SRGAP2B: variants seen among roughly 807,000 people sequenced by gnomAD.
SRGAP2B encodes the protein SLIT-ROBO Rho GTPase activating protein 2B, also known as SLIT-ROBO Rho GTPase-activating protein 2B.
SRGAP2B carries 9 observed loss-of-function variants against 22.2 expected under a neutral mutation model. The ratio of observed to expected loss-of-function variants is 0.41; its 90% CI spans 0.24 to 0.71. The LOEUF (loss-of-function observed/expected upper bound fraction) is 0.71, where lower values mean the gene tolerates loss of function less well. Ranked by LOEUF, SRGAP2B falls within the 30% of genes least tolerant of loss-of-function variation. The probability of loss-of-function intolerance (pLI) is 0.35; values close to 1 mark genes in which losing one functional copy is unlikely to be tolerated. For missense variants in SRGAP2B, 114 were observed against 235.8 expected (o/e 0.48, Z 3.38); for synonymous variants, 36 against 87.4 (o/e 0.41, Z 3.28).
At chr1:144,944,586 CAA>C (rs3061760) in intron 4 of SRGAP2B, among the ~76,000 whole-genome samples, 14 of 17,918 alleles carry the variant, frequency 7.8e-4, no homozygotes, top group African/African-American at 1.1e-3. Context: ...GTCTCCATCT[CAA>C]AAAAAAAAAA....
exon 10 of SRGAP2B, chr1:144,887,673 GAGAA>G (rs1383604576): frequency 3.7e-5 from 1 of 26,866 alleles, no homozygotes; most frequent in Non-Finnish European, 6.2e-5. Flanking sequence ...TAATGAAGGA[GAGAA>G]AGAAGAAGAG....
chr1:144,958,014 T>C (rs1667393996), intron 3 of SRGAP2B, among the ~76,000 whole-genome samples: 2 of 149,734 alleles, frequency 1.3e-5, no homozygotes, highest in Non-Finnish European at 2.9e-5. Flanking sequence ...ATTCCACAAA[T>C]GTACACACAT....
At chr1:145,058,019 C>T (rs1179598807) in intron 2 of SRGAP2B, among the ~76,000 whole-genome samples, 1 of 143,922 alleles carries the variant, frequency 6.9e-6, no homozygotes, top group Non-Finnish European at 1.5e-5. Context: ...TTTCAATTTA[C>T]TCCCAAGGAA....
intron 7 of SRGAP2B, among the ~76,000 whole-genome samples, chr1:144,904,059 C>A (rs1468551698): frequency 7.0e-6 from 1 of 143,836 alleles, no homozygotes; most frequent in Non-Finnish European, 1.5e-5. Context: ...TTGCCCCTTG[C>A]AAAACACATG....
At chr1:144,908,305 G>T (rs1376603762) in intron 5 of SRGAP2B, among the ~76,000 whole-genome samples, 2 of 150,412 alleles carry the variant, frequency 1.3e-5, no homozygotes, top group African/African-American at 2.5e-5. Context: ...TCAAAGAATA[G>T]CACTACCAAG....
At chr1:144,971,430 C>T (rs1553613250) in intron 3 of SRGAP2B, among the ~76,000 whole-genome samples, 1 of 150,348 alleles carries the variant, frequency 6.7e-6, no homozygotes, top group African/African-American at 2.5e-5. Context: ...CGCACCCGGC[C>T]CATACTTTTT....
At chr1:145,066,588 T>C (rs4844909) in intron 2 of SRGAP2B, among the ~76,000 whole-genome samples, 2 of 150,364 alleles carry the variant, frequency 1.3e-5, no homozygotes, top group African/African-American at 4.9e-5. Context: ...GGAGTGTTCT[T>C]TCTACTTGCT....
At chr1:144,981,161 A>G (rs1191590063) in intron 3 of SRGAP2B, among the ~76,000 whole-genome samples, 1 of 148,578 alleles carries the variant, frequency 6.7e-6, no homozygotes, top group Non-Finnish European at 1.5e-5. Context: ...TTTGCCTTGA[A>G]AAGAGAACTG....
chr1:145,045,292 G>A (rs1553628430), intron 2 of SRGAP2B, among the ~76,000 whole-genome samples: 3 of 112,532 alleles, frequency 2.7e-5, no homozygotes, highest in East Asian at 2.4e-4. Flanking sequence ...GCGAGACTCC[G>A]CCTCAAAAAA....
chr1:144,970,612 C>A (rs1570890255), intron 3 of SRGAP2B, among the ~76,000 whole-genome samples: 9 of 93,122 alleles, frequency 9.7e-5, no homozygotes, highest in African/African-American at 9.2e-5. Flanking sequence ...CTAACCTGCA[C>A]AATGTGCACA....
At chr1:144,920,993 C>A (rs1320593440) in intron 4 of SRGAP2B, among the ~76,000 whole-genome samples, 1 of 149,244 alleles carries the variant, frequency 6.7e-6, no homozygotes, top group Non-Finnish European at 1.5e-5. Flanking sequence ...AGTCCATCAG[C>A]AAATATTTAT....
intron 3 of SRGAP2B, among the ~76,000 whole-genome samples, chr1:144,960,162 T>C (rs1313430310): frequency 8.9e-6 from 1 of 112,484 alleles, no homozygotes; most frequent in Admixed American, 9.5e-5. Flanking sequence ...CCCAGAGCCT[T>C]AGGTTGTATA....
rs587665343 is a variant in SRGAP2B, at chr1:144,933,331, G to A, written c.424-18577C>T. On this transcript the variant is annotated intron_variant, in intron 4 of 9. Coordinates refer to ENST00000612199, the Ensembl canonical transcript of SRGAP2B. ...AGTTTAATCAGCTCACATCAGCAGC[G>A]GCAGAAAAATATTCAAAGGGCTATG... Among the ~76,000 whole-genome samples, 37 of 150,252 alleles carry A rather than the reference G, an allele frequency of 2.5e-4. 1 individual carries two copies. The East Asian group carries it at 5.1e-3, about 21-fold the overall frequency.
Position 144,990,885 on chromosome 1 carries a change from G to A in SRGAP2B, c.260+4123C>T, listed in dbSNP as rs1244193831. 1.8e-3 allele frequency among the ~76,000 whole-genome samples: 266 copies of A among 151,388 alleles called. 12 individuals carry two copies. Among genetic ancestry groups the A allele is most frequent in the African/African-American group, 2.2e-3 (90 of 40,806 alleles). On this transcript the variant is annotated intron_variant, in intron 3 of 9. Coordinates refer to ENST00000612199, the Ensembl canonical transcript of SRGAP2B. ...CTCGCTGGGCCTTAGCTGCCTTCCCGCGGGGCAGGGCTCGGGACCTGCAGC... is the reference window on the plus strand; with the variant it reads ...CTCGCTGGGCCTTAGCTGCCTTCCCACGGGGCAGGGCTCGGGACCTGCAGC...
intron 1 of SRGAP2B, 137 bp downstream of exon 1, chr1:145,095,085 GA>G (rs2102523335): frequency 8.3e-7 from 1 of 1,198,854 alleles, no homozygotes; most frequent in South Asian, 1.6e-5. Flanking sequence ...CGGTCTGAGG[GA>G]TTCCGGGCGG....
chr1:144,970,440 T>C (rs1186377811), intron 3 of SRGAP2B, among the ~76,000 whole-genome samples: 2 of 122,702 alleles, frequency 1.6e-5, no homozygotes, highest in African/African-American at 6.8e-5. Flanking sequence ...AGGTGGGAAC[T>C]GAACAATGAG....
chr1:144,992,983 G>T (rs1222515309), intron 3 of SRGAP2B, among the ~76,000 whole-genome samples: 1 of 151,824 alleles, frequency 6.6e-6, no homozygotes, highest in East Asian at 1.9e-4. Flanking sequence ...AGAAGATGGA[G>T]AACTTTCTTC....
chr1:145,035,774 G>T, intron 2 of SRGAP2B, among the ~76,000 whole-genome samples: 1 of 136,290 alleles, frequency 7.3e-6, no homozygotes. Flanking sequence ...AGTCTTAATT[G>T]CCCAATCAAA....
At chr1:145,009,239 C>T (rs1671853370) in intron 2 of SRGAP2B, among the ~76,000 whole-genome samples, 1 of 148,040 alleles carries the variant, frequency 6.8e-6, no homozygotes, top group South Asian at 2.1e-4. Context: ...TAAATTATAT[C>T]TGCTATTGTT....
Sources: gnomAD v4.1 joint callset for allele counts (sites outside exome capture counted in the v4.1 genomes callset) on GRCh38, gnomAD v4.1.1 for gene constraint, MANE v1.5 for transcripts, NCBI Gene and HGNC (gene_info 2026-07-23, HGNC 2026-07-21) for gene names.